The following DAB1 variants were observed in gnomAD, a reference collection of about 807,000 sequenced individuals.
The protein encoded by DAB1 is disabled homolog 1.
In DAB1, 15 loss-of-function variants were observed where a neutral mutation model predicts 64.6. The observed-to-expected ratio is 0.23, with a 90% CI of 0.16 to 0.36. The LOEUF (loss-of-function observed/expected upper bound fraction) is 0.36. DAB1 is among the 10% of genes least tolerant of loss of function. The pLI is 1.00. For synonymous variants in DAB1, 235 were observed against 251.9 expected, an observed-to-expected ratio of 0.93 and a Z score of 0.64; for missense variants, 596 against 706.7, an observed-to-expected ratio of 0.84 and a Z score of 1.78.
chr1:57,941,730 G>A (rs1645109336), intron 5 of DAB1, among the ~76,000 whole-genome samples: 1 of 152,166 alleles, frequency 6.6e-6, no homozygotes, highest in Non-Finnish European at 1.5e-5. Context: ...AGCTACTCGG[G>A]AGGCTGAGGC....
chr1:57,898,502 A>T (rs1229201104), intron 5 of DAB1, among the ~76,000 whole-genome samples: 2 of 152,204 alleles, frequency 1.3e-5, no homozygotes, highest in Non-Finnish European at 2.9e-5. Flanking sequence ...TGTAAGAAAT[A>T]CCATGTACAC....
At chr1:58,212,225 T>A (rs541247851) in intron 4 of DAB1, among the ~76,000 whole-genome samples, 1 of 152,314 alleles carries the variant, frequency 6.6e-6, no homozygotes, top group East Asian at 1.9e-4. Context: ...GAAGAACAGA[T>A]TGAATGCCCA....
chr1:57,314,442 A>C (rs777478930), intron 1 of DAB1, among the ~76,000 whole-genome samples: 4 of 151,800 alleles, frequency 2.6e-5, no homozygotes, highest in Non-Finnish European at 5.9e-5. Context: ...TTCAACTTTC[A>C]TCAGAGGATT....
intron 6 of DAB1, among the ~76,000 whole-genome samples, chr1:57,737,882 G>GC (rs1484885847): frequency 6.6e-6 from 1 of 152,074 alleles, no homozygotes; most frequent in Non-Finnish European, 1.5e-5. Flanking sequence ...ACAAACATCT[G>GC]CCCCCCTCTG....
intron 6 of DAB1, among the ~76,000 whole-genome samples, chr1:57,779,091 T>A (rs1649949157): frequency 6.6e-6 from 1 of 152,078 alleles, no homozygotes. Context: ...ATATTTCAGA[T>A]AATAAAAAAT....
At chr1:57,770,358 C>T (rs1649504699) in intron 6 of DAB1, among the ~76,000 whole-genome samples, 1 of 152,174 alleles carries the variant, frequency 6.6e-6, no homozygotes, top group Non-Finnish European at 1.5e-5. Flanking sequence ...ATCTCAAACT[C>T]CTGGCCTCAG....
intron 1 of DAB1, among the ~76,000 whole-genome samples, chr1:57,407,614 C>T (rs1018919699): frequency 8.5e-5 from 13 of 152,072 alleles, no homozygotes; most frequent in African/African-American, 2.9e-4. Context: ...ACTTATTTTT[C>T]GGCCGAGGCC....
chr1:58,355,312 T>G (rs1360304685), intron 3 of DAB1, among the ~76,000 whole-genome samples: 1 of 152,214 alleles, frequency 6.6e-6, no homozygotes, highest in Non-Finnish European at 1.5e-5. Flanking sequence ...ATGGCAAATG[T>G]GAATTGAAAG....
intron 2 of DAB1, among the ~76,000 whole-genome samples, chr1:57,156,312 G>A (rs1660218530): frequency 6.6e-6 from 1 of 151,980 alleles, no homozygotes; most frequent in Admixed American, 6.6e-5. Flanking sequence ...GTGCCCTCTT[G>A]CCCCCACCCT....
chr1:57,917,440 T>G (rs1419428990), intron 5 of DAB1, among the ~76,000 whole-genome samples: 1 of 152,206 alleles, frequency 6.6e-6, no homozygotes, highest in African/African-American at 2.4e-5. Flanking sequence ...CCCATATCAT[T>G]GTAATGAAGG....
intron 2 of DAB1, among the ~76,000 whole-genome samples, chr1:57,153,630 TTTTG>T (rs527281662): frequency 1.1e-3 from 59 of 52,094 alleles, no homozygotes; most frequent in South Asian, 5.0e-3. Context: ...GGGGTTTTTT[TTTTG>T]TTTGTTTGTT....
intron 1 of DAB1, among the ~76,000 whole-genome samples, chr1:57,398,092 A>G (rs1412278582): frequency 1.3e-5 from 2 of 152,218 alleles, no homozygotes; most frequent in Non-Finnish European, 2.9e-5. Context: ...TTTACCAGAG[A>G]TACTAGATTT....
At chr1:58,490,088 C>A (rs184265143) in intron 3 of DAB1, among the ~76,000 whole-genome samples, 1 of 152,170 alleles carries the variant, frequency 6.6e-6, no homozygotes, top group Admixed American at 6.5e-5. Context: ...CAAAGCTGGA[C>A]GCAGAATGAC....
intron 5 of DAB1, among the ~76,000 whole-genome samples, chr1:57,978,339 G>A (rs547396203): frequency 7.0e-4 from 106 of 152,254 alleles, no homozygotes; most frequent in Non-Finnish European, 7.8e-4. Flanking sequence ...TTAATAAATG[G>A]TGCTGGGAAA....
intron 5 of DAB1, among the ~76,000 whole-genome samples, chr1:57,932,056 TTTAG>T (rs1644960679): frequency 6.6e-6 from 1 of 152,182 alleles, no homozygotes; most frequent in Non-Finnish European, 1.5e-5. Flanking sequence ...TTTATTTTTA[TTTAG>T]TTAAAAATAT....
chr1:57,258,718 A>T (rs556310605), intron 2 of DAB1, among the ~76,000 whole-genome samples: 1 of 152,284 alleles, frequency 6.6e-6, no homozygotes, highest in South Asian at 2.1e-4. Context: ...GTTCGACAGG[A>T]TTTGCTCGCT....
rs530061656 is a variant in DAB1, at chr1:57,320,759, G to A, written c.-136-29593C>T. 1.2e-3 allele frequency among the ~76,000 whole-genome samples: 189 copies of A among 152,170 alleles called. 2 individuals carry two copies. The highest frequency in any genetic ancestry group is 4.2e-3 in the African/African-American group (176 of 41,512). On this transcript the variant is annotated intron_variant, in intron 1 of 14. Coordinates refer to ENST00000371236, the MANE Select transcript of DAB1 (RefSeq NM_001365792.1). ...TGAAGATCTCTAAGGATTATTCTAA[G>A]TACCCTATACATATAATCTCATTTA...
At chr1:57,760,620 T>TCACACACACACACACACACACAGACACA (rs1557465332) in intron 6 of DAB1, among the ~76,000 whole-genome samples, 1 of 140,412 alleles carries the variant, frequency 7.1e-6, no homozygotes, top group African/African-American at 2.7e-5. Flanking sequence ...TCTCTCTCTC[T>TCACACACACACACACACACACAGACACA]CACACACACA....
At chr1:57,889,885 A>C in intron 5 of DAB1, among the ~76,000 whole-genome samples, 1 of 82,090 alleles carries the variant, frequency 1.2e-5, no homozygotes, top group Non-Finnish European at 2.1e-5. Context: ...CGCAGATGGT[A>C]GCACAAACTG....
Sources: gnomAD v4.1 joint callset for allele counts (sites outside exome capture counted in the v4.1 genomes callset) on GRCh38, gnomAD v4.1.1 for gene constraint, MANE v1.5 for transcripts, NCBI Gene and HGNC (gene_info 2026-07-23, HGNC 2026-07-21) for gene names.